The following CABIN1 variants were observed in gnomAD, a reference collection of about 807,000 sequenced individuals.
CABIN1 encodes the protein calcineurin-binding protein cabin-1.
In CABIN1, 133 loss-of-function variants were observed where a neutral mutation model predicts 227.7. That is an observed-to-expected ratio of 0.58 (90% confidence interval 0.51 to 0.67). The LOEUF is 0.67. Among genes scored for constraint, CABIN1 ranks in the 30% least tolerant of loss-of-function variants. CABIN1 has a pLI of 0.00. For synonymous variants in CABIN1, 1,086 were observed against 1,155.1 expected, an observed-to-expected ratio of 0.94 and a Z score of 1.21; for missense variants, 2,408 against 2,852.5, an observed-to-expected ratio of 0.84 and a Z score of 3.55.
chr22:24,148,960 T>G (rs1319492684), intron 29 of CABIN1, among the ~76,000 whole-genome samples: 1 of 152,230 alleles, frequency 6.6e-6, no homozygotes. Flanking sequence ...TTTCCCTTTC[T>G]CTTCCCTTTT....
chr22:24,118,387 A>G (rs1005546410), intron 27 of CABIN1, among the ~76,000 whole-genome samples: 1 of 152,156 alleles, frequency 6.6e-6, no homozygotes, highest in African/African-American at 2.4e-5. Flanking sequence ...ATAGGCTTCG[A>G]CTTAGCATGC....
rs117829709 is a variant in CABIN1, at chr22:24,073,447, A to G, written c.2632+937A>G. Among the ~76,000 whole-genome samples the G allele has an allele frequency of 2.3e-3, 350 of 152,250 alleles. 3 individuals carry two copies. The highest frequency in any genetic ancestry group is 0.018 in the East Asian group (95 of 5,186). ...AAAGGAAAGAGTCATCCCTATTCCA[A>G]CTGCTCAGAGAAAACCAGAGTTAAC... On this transcript the variant is annotated intron_variant, in intron 18 of 36. Transcript: ENST00000263119.
chr22:24,063,930 A>G, intron 14 of CABIN1, 105 bp from the exon 15 acceptor site: 1 of 1,449,212 alleles, frequency 6.9e-7, no homozygotes, highest in Non-Finnish European at 9.7e-7. Flanking sequence ...TAAAAAACCC[A>G]CCCTCATGGC....
chr22:24,086,705 T>G (rs781233650), intron 22 of CABIN1, among the ~76,000 whole-genome samples: 1 of 152,252 alleles, frequency 6.6e-6, no homozygotes. Context: ...TATCAAGTGC[T>G]CAGAGATCAT....
At chr22:24,035,999 T>C (rs1428091987) in intron 2 of CABIN1, 90 bp from the exon 3 acceptor site, 5 of 876,494 alleles carry the variant, frequency 5.7e-6, no homozygotes, top group Non-Finnish European at 9.8e-6. Flanking sequence ...GATCATATGC[T>C]GGAGCAGAAT....
At chr22:24,038,578 A>G in intron 4 of CABIN1, 117 bp downstream of exon 4, 1 of 746,896 alleles carries the variant, frequency 1.3e-6, no homozygotes, top group Admixed American at 2.0e-5. Context: ...CCTTGAAAAC[A>G]TTATTTCACC....
intron 1 of CABIN1, among the ~76,000 whole-genome samples, chr22:24,026,010 A>G (rs922727914): frequency 1.8e-4 from 27 of 151,826 alleles, no homozygotes; most frequent in African/African-American, 5.8e-4. Flanking sequence ...ATTTTTTTGT[A>G]TTTTTTTGTA....
At chr22:24,143,278 G>A (rs2044888377) in intron 29 of CABIN1, among the ~76,000 whole-genome samples, 1 of 152,330 alleles carries the variant, frequency 6.6e-6, no homozygotes, top group African/African-American at 2.4e-5. Context: ...TGGCCCATTG[G>A]CTGGATGGGG....
intron 16 of CABIN1, among the ~76,000 whole-genome samples, chr22:24,068,559 G>A (rs925520337): frequency 1.3e-5 from 2 of 152,228 alleles, no homozygotes; most frequent in African/African-American, 4.8e-5. Context: ...GGTCGGAGCC[G>A]AATGCTGTGG....
At chr22:24,042,800 A>G (rs550496213) in intron 5 of CABIN1, 104 bp from the exon 6 acceptor site, 41 of 1,109,752 alleles carry the variant, frequency 3.7e-5, no homozygotes, top group Admixed American at 3.4e-4. Flanking sequence ...CGGGGTGCAT[A>G]TTCAAGGAGA....
chr22:24,116,410 G>T (rs2043089600), intron 27 of CABIN1, among the ~76,000 whole-genome samples: 1 of 152,152 alleles, frequency 6.6e-6, no homozygotes, highest in South Asian at 2.1e-4. Flanking sequence ...CCCCTTCCTG[G>T]TCAACTAGAG....
intron 32 of CABIN1, 134 bp downstream of exon 32, chr22:24,167,447 C>T: frequency 1.3e-6 from 1 of 742,526 alleles, no homozygotes; most frequent in Non-Finnish European, 2.2e-6. Flanking sequence ...ACCATCCCTG[C>T]TGTTCACTTT....
intron 1 of CABIN1, among the ~76,000 whole-genome samples, chr22:24,020,936 C>T (rs569216170): frequency 6.6e-4 from 101 of 152,000 alleles, no homozygotes; most frequent in Middle Eastern, 3.4e-3. Flanking sequence ...ATATCATCTC[C>T]TCTGTTATGT....
chr22:24,116,276 T>TAA (rs1227303210), intron 27 of CABIN1, among the ~76,000 whole-genome samples: 1 of 152,196 alleles, frequency 6.6e-6, no homozygotes, highest in African/African-American at 2.4e-5. Flanking sequence ...TTTCATCACT[T>TAA]AAACACAAGC....
chr22:24,091,152 T>C (rs2041515193), intron 23 of CABIN1, among the ~76,000 whole-genome samples: 1 of 152,326 alleles, frequency 6.6e-6, no homozygotes, highest in Middle Eastern at 3.4e-3. Flanking sequence ...TGGGAAGTCC[T>C]CTTGTACCCC....
At chr22:24,048,358 CTATTGTG>C (rs2038056846) in intron 6 of CABIN1, among the ~76,000 whole-genome samples, 1 of 152,088 alleles carries the variant, frequency 6.6e-6, no homozygotes, top group Non-Finnish European at 1.5e-5. Flanking sequence ...GCTTGGCAAC[CTATTGTG>C]TGGAATTGGA....
chr22:24,076,365 C>G, intron 19 of CABIN1, 81 bp downstream of exon 19: 1 of 1,130,478 alleles, frequency 8.8e-7, no homozygotes, highest in South Asian at 1.3e-5. Flanking sequence ...GGGACAGATT[C>G]ATGTTGGCAC....
chr22:24,165,673 T>C (rs1392348609), intron 31 of CABIN1, 47 bp downstream of exon 31: 1 of 1,497,212 alleles, frequency 6.7e-7, no homozygotes, highest in South Asian at 1.2e-5. Context: ...TGAACACGCT[T>C]CCAAGCCCTT....
chr22:24,068,531 G>C (rs1315094394), intron 16 of CABIN1, among the ~76,000 whole-genome samples: 2 of 152,242 alleles, frequency 1.3e-5, no homozygotes, highest in Non-Finnish European at 2.9e-5. Context: ...GCTGAGCTGT[G>C]ATAAGGGCTG....
Sources: gnomAD v4.1 joint callset for allele counts (sites outside exome capture counted in the v4.1 genomes callset) on GRCh38, gnomAD v4.1.1 for gene constraint, MANE v1.5 for transcripts, NCBI Gene and HGNC (gene_info 2026-07-23, HGNC 2026-07-21) for gene names.